GRIK2: variants seen among roughly 807,000 people sequenced by gnomAD.
GRIK2 encodes the protein glutamate receptor ionotropic, kainate 2.
Under a neutral mutation model 100.3 loss-of-function variants are expected in GRIK2, and 32 were observed. The ratio of observed to expected loss-of-function variants is 0.32; its 90% CI spans 0.24 to 0.43. The LOEUF (loss-of-function observed/expected upper bound fraction) is 0.43. Ranked by LOEUF, GRIK2 falls within the 20% of genes least tolerant of loss-of-function variation. The probability of loss-of-function intolerance (pLI) is 1.00; values close to 1 mark genes in which losing one functional copy is unlikely to be tolerated. For synonymous variants in GRIK2, 417 were observed against 389.4 expected (o/e 1.07, Z -0.83); for missense variants, 843 against 1,114.9 (o/e 0.76, Z 3.47).
intron 2 of GRIK2, among the ~76,000 whole-genome samples, chr6:101,487,019 A>G (rs1772868823): frequency 6.8e-6 from 1 of 146,470 alleles, no homozygotes; most frequent in African/African-American, 2.6e-5. Context: ...GCAGTTTCAT[A>G]CATTGGGGAG....
chr6:101,796,777 C>T (rs964099948), intron 7 of GRIK2, among the ~76,000 whole-genome samples: 2 of 152,118 alleles, frequency 1.3e-5, no homozygotes, highest in African/African-American at 4.8e-5. Context: ...AACTTCAGGG[C>T]TCAAGTGATC....
intron 2 of GRIK2, among the ~76,000 whole-genome samples, chr6:101,495,581 T>G (rs1773401881): frequency 1.3e-5 from 2 of 152,176 alleles, no homozygotes; most frequent in African/African-American, 2.4e-5. Context: ...ATGCAAAGTT[T>G]GTTGACTTCC....
intron 7 of GRIK2, among the ~76,000 whole-genome samples, chr6:101,697,030 CA>C (rs1416839308): frequency 6.6e-6 from 1 of 151,930 alleles, no homozygotes; most frequent in Non-Finnish European, 1.5e-5. Context: ...ATCTCATTCC[CA>C]AACCTCTCTA....
intron 2 of GRIK2, among the ~76,000 whole-genome samples, chr6:101,407,319 C>A (rs375470391): frequency 1.3e-5 from 2 of 152,032 alleles, no homozygotes; most frequent in Non-Finnish European, 2.9e-5. Context: ...AAGGTCCCCA[C>A]GTTTAGAGTC....
chr6:101,693,086 T>G (rs1204707638), intron 7 of GRIK2, among the ~76,000 whole-genome samples: 1 of 152,120 alleles, frequency 6.6e-6, no homozygotes, highest in Non-Finnish European at 1.5e-5. Flanking sequence ...CATAGAACAT[T>G]TCGTCTAATT....
chr6:101,962,589 T>A (rs191904632), intron 14 of GRIK2, among the ~76,000 whole-genome samples: 1 of 152,298 alleles, frequency 6.6e-6, no homozygotes, highest in Non-Finnish European at 1.5e-5. Flanking sequence ...TAATAGAACT[T>A]CTGCTTATTT....
At chr6:101,549,017 T>A (rs1776383387) in intron 2 of GRIK2, among the ~76,000 whole-genome samples, 1 of 152,196 alleles carries the variant, frequency 6.6e-6, no homozygotes, top group South Asian at 2.1e-4. Flanking sequence ...GCTATGTTTA[T>A]CATTTATATC....
At chr6:102,011,815 T>C (rs975504312) in intron 14 of GRIK2, among the ~76,000 whole-genome samples, 10 of 152,116 alleles carry the variant, frequency 6.6e-5, no homozygotes, top group African/African-American at 2.2e-4. Flanking sequence ...CTCAATCTCC[T>C]GACCTCGTGA....
At chr6:102,056,463 A>G (rs776317982) in intron 16 of GRIK2, among the ~76,000 whole-genome samples, 110 of 152,096 alleles carry the variant, frequency 7.2e-4, no homozygotes, top group South Asian at 2.1e-3. Context: ...CTTCTAGTAC[A>G]TTATTTAATC....
intron 12 of GRIK2, among the ~76,000 whole-genome samples, chr6:101,892,133 A>C (rs1787145486): frequency 6.6e-6 from 1 of 152,146 alleles, no homozygotes; most frequent in Admixed American, 6.6e-5. Context: ...TCATGAGACA[A>C]CTTCGAGGTA....
intron 2 of GRIK2, among the ~76,000 whole-genome samples, chr6:101,547,147 C>T (rs1204181712): frequency 2.0e-5 from 3 of 152,040 alleles, no homozygotes; most frequent in South Asian, 4.2e-4. Flanking sequence ...GTTTCTTTAG[C>T]TCATGCCTCA....
At chr6:101,869,155 C>T (rs1335702426) in intron 11 of GRIK2, among the ~76,000 whole-genome samples, 3 of 151,838 alleles carry the variant, frequency 2.0e-5, no homozygotes, top group East Asian at 1.9e-4. Flanking sequence ...TCTTATGTAA[C>T]ACCACACGTG....
intron 14 of GRIK2, among the ~76,000 whole-genome samples, chr6:101,955,155 G>C (rs984081141): frequency 3.3e-5 from 5 of 152,068 alleles, no homozygotes; most frequent in Non-Finnish European, 5.9e-5. Context: ...TTGATATGTA[G>C]TTTGTTTTTC....
chr6:101,864,690 G>A (rs1367870069), intron 11 of GRIK2, among the ~76,000 whole-genome samples: 2 of 152,000 alleles, frequency 1.3e-5, no homozygotes, highest in African/African-American at 2.4e-5. Context: ...ATCCAAAAAG[G>A]TGCCAATGTT....
At chr6:102,022,664 TTGA>T (rs1306633981) in intron 14 of GRIK2, among the ~76,000 whole-genome samples, 3 of 151,734 alleles carry the variant, frequency 2.0e-5, no homozygotes, top group Non-Finnish European at 4.4e-5. Flanking sequence ...AGATGTATTA[TTGA>T]TTTTTTTTCT....
chr6:101,614,536 G>C (rs1260794750), intron 2 of GRIK2, among the ~76,000 whole-genome samples: 2 of 151,274 alleles, frequency 1.3e-5, no homozygotes, highest in Non-Finnish European at 3.0e-5. Flanking sequence ...AATATCCATG[G>C]CATGTCATTT....
chr6:101,735,159 G>C (rs914500738), intron 7 of GRIK2, among the ~76,000 whole-genome samples: 2 of 152,158 alleles, frequency 1.3e-5, no homozygotes, highest in Admixed American at 1.3e-4. Flanking sequence ...GTCCAGAGGT[G>C]TAGTCTGGGA....
At chr6:101,857,583 T>C (rs938393553) in intron 10 of GRIK2, among the ~76,000 whole-genome samples, 2 of 152,172 alleles carry the variant, frequency 1.3e-5, no homozygotes, top group Non-Finnish European at 2.9e-5. Flanking sequence ...GGTGAGCACA[T>C]TCCTAGGTGG....
At chr6:101,612,716 ATGTG>A (rs139709674) in intron 2 of GRIK2, among the ~76,000 whole-genome samples, 1,714 of 143,404 alleles carry the variant, frequency 0.012, 11 homozygotes, top group Middle Eastern at 0.035. Context: ...GTATGTGTTA[ATGTG>A]TGTGTGTGTG....
Sources: allele counts gnomAD v4.1 joint callset (sites outside exome capture counted in the v4.1 genomes callset), GRCh38; gene constraint gnomAD v4.1.1; transcripts MANE v1.5; gene names NCBI Gene and HGNC (gene_info 2026-07-23, HGNC 2026-07-21).